Variants in RPS6KA2 observed in about 807,000 individuals in gnomAD.
RPS6KA2 encodes ribosomal protein S6 kinase A2, also known as ribosomal protein S6 kinase alpha-2.
In RPS6KA2, 42 loss-of-function variants were observed where a neutral mutation model predicts 91.8. The observed-to-expected ratio is 0.46, with a 90% CI of 0.36 to 0.59. The LOEUF (loss-of-function observed/expected upper bound fraction) is 0.59. Among genes scored for constraint, RPS6KA2 ranks in the 20% least tolerant of loss-of-function variants. The pLI is 0.00. For missense variants in RPS6KA2, 798 were observed against 978.5 expected (o/e 0.82, Z 2.46); for synonymous variants, 414 against 393.6 (o/e 1.05, Z -0.61).
chr6:166,762,715 A>C (rs1778210377), intron 2 of RPS6KA2, among the ~76,000 whole-genome samples: 2 of 152,056 alleles, frequency 1.3e-5, no homozygotes, highest in Non-Finnish European at 2.9e-5. Flanking sequence ...GCACCTTCCC[A>C]TCCTGTCCAC....
At chr6:166,677,592 C>T (rs1407028480) in intron 2 of RPS6KA2, among the ~76,000 whole-genome samples, 5 of 152,184 alleles carry the variant, frequency 3.3e-5, no homozygotes, top group African/African-American at 1.2e-4. Context: ...AGTGATCTGC[C>T]TGCCTGGGCT....
intron 1 of RPS6KA2, among the ~76,000 whole-genome samples, chr6:166,621,696 T>C (rs1479721941): frequency 6.6e-6 from 1 of 152,196 alleles, no homozygotes; most frequent in Non-Finnish European, 1.5e-5. Context: ...GTAGAGTATT[T>C]CTGGCTAAGT....
chr6:166,468,861 A>ACCGCCTC (rs1362780497), intron 11 of RPS6KA2, among the ~76,000 whole-genome samples: 3 of 76,190 alleles, frequency 3.9e-5, no homozygotes, highest in East Asian at 4.3e-4. Context: ...GAGACTAAAA[A>ACCGCCTC]AAAAAAAAAA....
intron 3 of RPS6KA2, among the ~76,000 whole-genome samples, chr6:166,527,724 C>T (rs1476742587): frequency 1.3e-5 from 2 of 152,134 alleles, no homozygotes; most frequent in Non-Finnish European, 2.9e-5. Flanking sequence ...CTCTCACCCC[C>T]CAGCCTAGGA....
intron 14 of RPS6KA2, among the ~76,000 whole-genome samples, chr6:166,436,502 G>T (rs915242958): frequency 6.6e-6 from 1 of 152,214 alleles, no homozygotes; most frequent in African/African-American, 2.4e-5. Context: ...TCAGTCACAG[G>T]ACCAGAAGGG....
At chr6:166,499,259 A>C (rs947779189) in intron 7 of RPS6KA2, among the ~76,000 whole-genome samples, 6 of 152,192 alleles carry the variant, frequency 3.9e-5, no homozygotes, top group Non-Finnish European at 8.8e-5. Flanking sequence ...ACAAGAGTGC[A>C]TTGGCTCAGG....
rs1384272455 is a variant in RPS6KA2 at position 166,849,321 on chromosome 6, A to G, written c.123+8879T>C. On this transcript the variant is annotated intron_variant, in intron 2 of 21. Coordinates refer to the RPS6KA2 transcript ENST00000503859. The surrounding 1 kb of genome is among the most constrained non-coding windows in gnomAD (Gnocchi z 4.9). ...CACGCAGAGCACTCCCTGTCACCCT[A>G]TTTCTGCACAGTACTTACCCCCGTG... is the stretch of plus-strand genomic sequence containing the variant. Among the ~76,000 whole-genome samples, 8 of 152,072 alleles carry G rather than the reference A, an allele frequency of 5.3e-5. No individual in the cohort carries two copies. The highest frequency in any genetic ancestry group is 2.0e-4 in the Admixed American group (3 of 15,264).
intron 1 of RPS6KA2, among the ~76,000 whole-genome samples, chr6:166,860,986 A>G (rs1485901067): frequency 2.0e-5 from 3 of 152,198 alleles, no homozygotes; most frequent in Non-Finnish European, 4.4e-5. Flanking sequence ...GAGCAGCAGT[A>G]TCTGGGCTGT....
intron 2 of RPS6KA2, among the ~76,000 whole-genome samples, chr6:166,731,613 C>A (rs1790521759): frequency 6.6e-6 from 1 of 152,044 alleles, no homozygotes. Context: ...CAGGACAGAG[C>A]ACACAGCCCC....
At chr6:166,735,383 A>G (rs529279281) in intron 2 of RPS6KA2, among the ~76,000 whole-genome samples, 300 of 152,360 alleles carry the variant, frequency 2.0e-3, no homozygotes, top group Non-Finnish European at 3.6e-3. Flanking sequence ...TTTTGGCACC[A>G]GGGACTGGTT....
chr6:166,509,464 A>T (rs1324987751), intron 4 of RPS6KA2: 3 of 168,548 alleles, frequency 1.8e-5, no homozygotes, highest in African/African-American at 7.2e-5. Flanking sequence ...GCCGAGAAGG[A>T]ACAGCAGGGT....
chr6:166,538,135 T>C (rs1783538928), intron 2 of RPS6KA2, among the ~76,000 whole-genome samples: 1 of 152,212 alleles, frequency 6.6e-6, no homozygotes, highest in Non-Finnish European at 1.5e-5. Context: ...AACAACTGTA[T>C]AAAGTAGGTT....
In RPS6KA2 at chr6:166,500,515, G is replaced by A. The variant is rs1009235548; in HGVS notation, c.604+372C>T. Reference sequence around the variant, plus strand: ...GACTCCAGATGTCTGCCCTCAGGTTGGCACTGGGCATCTGCAAGGCCCACA... The same window carrying A: ...GACTCCAGATGTCTGCCCTCAGGTTAGCACTGGGCATCTGCAAGGCCCACA... On this transcript the variant is annotated intron_variant, in intron 7 of 20. Transcript: ENST00000265678. The surrounding 1 kb of genome is among the most constrained non-coding windows in gnomAD (Gnocchi z 4.3). 1.1e-4 allele frequency among the ~76,000 whole-genome samples: 17 copies of A among 152,032 alleles called. No homozygotes were observed. The highest frequency in any genetic ancestry group is 1.0e-3 in the Admixed American group (16 of 15,252).
chr6:166,541,832 G>C (rs1224548365), intron 1 of RPS6KA2, among the ~76,000 whole-genome samples: 1 of 152,198 alleles, frequency 6.6e-6, no homozygotes, highest in Admixed American at 6.5e-5. Context: ...TGTACCTGAA[G>C]TACACACATA....
chr6:166,819,419 T>C (rs6902718), intron 2 of RPS6KA2, among the ~76,000 whole-genome samples: 93,635 of 151,984 alleles, frequency 0.62, 30,574 homozygotes, highest in Non-Finnish European at 0.74. Context: ...CATATACCCA[T>C]ATCTGCAACT....
At chr6:166,851,991 T>C (rs1216531893) in intron 2 of RPS6KA2, among the ~76,000 whole-genome samples, 5 of 152,220 alleles carry the variant, frequency 3.3e-5, no homozygotes, top group African/African-American at 1.2e-4. Flanking sequence ...CTTTTCTGCC[T>C]CAATAAATGC....
At position 166,852,656 on chromosome 6, in the gene RPS6KA2, A is replaced by G. The variant is rs1195416519; in HGVS notation, c.123+5544T>C. Among the ~76,000 whole-genome samples the G allele has an allele frequency of 6.6e-6, 1 of 152,018 alleles. No individual in the cohort carries two copies. The highest frequency in any genetic ancestry group is 1.5e-5 in the Non-Finnish European group (1 of 68,000). On this transcript the variant is annotated intron_variant, in intron 2 of 21. Coordinates refer to the RPS6KA2 transcript ENST00000503859. The surrounding 1 kb of genome is among the most constrained non-coding windows in gnomAD (Gnocchi z 4.1). ...ACCAGGGGACTCGTCGAGGGGTCCA[A>G]GCAGCAACGGCTCGGCAACTCCGGG...
In RPS6KA2 at chr6:166,428,543, G is replaced by A. The variant is rs1348129014; in HGVS notation, c.1581+1910C>T. ...ACCTACAAAATGGGAGAAAATTTTCGCAACCTACTCATCTGACAAAGGGCT... is the reference window on the plus strand; with the variant it reads ...ACCTACAAAATGGGAGAAAATTTTCACAACCTACTCATCTGACAAAGGGCT... On this transcript the variant is annotated intron_variant, in intron 16 of 20. Coordinates refer to ENST00000265678, the MANE Select transcript of RPS6KA2 (RefSeq NM_021135.6). Among the ~76,000 whole-genome samples, 95 of 140,206 alleles carry A rather than the reference G, an allele frequency of 6.8e-4. No homozygotes were observed. The Middle Eastern group carries it at 0.011, about 16-fold the overall frequency. 92.0% of individuals were successfully genotyped at this position (140,206 alleles called of 152,430 possible). A position where few individuals can be genotyped will look rare whatever the true frequency, so the allele number is the denominator to read the frequency against.
chr6:166,615,092 G>T (rs770638139), intron 1 of RPS6KA2, among the ~76,000 whole-genome samples: 24 of 152,100 alleles, frequency 1.6e-4, no homozygotes, highest in Admixed American at 5.9e-4. Flanking sequence ...CCCAGGTCCC[G>T]ACTAGTCCTA....
Sources: allele counts gnomAD v4.1 joint callset (sites outside exome capture counted in the v4.1 genomes callset), GRCh38; gene constraint gnomAD v4.1.1; non-coding constraint Gnocchi (gnomAD v3.1); transcripts MANE v1.5; gene names NCBI Gene and HGNC (gene_info 2026-07-23, HGNC 2026-07-21).